STIM1: variants seen among roughly 807,000 people sequenced by gnomAD.
STIM1 encodes stromal interaction molecule 1.
STIM1 carries 25 observed loss-of-function variants against 74.7 expected under a neutral mutation model. That is an observed-to-expected ratio of 0.33 (90% confidence interval 0.24 to 0.47). STIM1 has a LOEUF of 0.47. STIM1 is among the 20% of genes least tolerant of loss of function. STIM1 has a pLI of 1.00. For synonymous variants in STIM1, 328 were observed against 348.8 expected (o/e 0.94, Z 0.66); for missense variants, 728 against 920.8 (o/e 0.79, Z 2.71).
intron 2 of STIM1, among the ~76,000 whole-genome samples, chr11:4,017,324 G>T (rs1005849825): frequency 1.3e-5 from 2 of 152,094 alleles, no homozygotes; most frequent in Non-Finnish European, 2.9e-5. Context: ...GCTTCTATTT[G>T]CCAGTTCCTC....
At chr11:4,086,807 A>T in intron 12 of STIM1, 2 of 1,536,366 alleles carry the variant, frequency 1.3e-6, no homozygotes, top group Non-Finnish European at 1.7e-6. Flanking sequence ...CCCTACCCTG[A>T]CACACCCCCT....
At chr11:4,006,054 C>G (rs1003387523) in intron 2 of STIM1, among the ~76,000 whole-genome samples, 6 of 152,306 alleles carry the variant, frequency 3.9e-5, no homozygotes, top group Non-Finnish European at 8.8e-5. Flanking sequence ...CCCACCAAAT[C>G]TCGTGTTGAA....
At chr11:4,042,933 C>T (rs938534716) in intron 3 of STIM1, among the ~76,000 whole-genome samples, 1 of 152,160 alleles carries the variant, frequency 6.6e-6, no homozygotes, top group Non-Finnish European at 1.5e-5. Flanking sequence ...TTGTAAGCTA[C>T]ATGGGAGTAG....
chr11:4,080,484 T>TTTTA (rs762725002), intron 7 of STIM1, among the ~76,000 whole-genome samples: 1 of 151,056 alleles, frequency 6.6e-6, no homozygotes. Context: ...TTTTTTTTTT[T>TTTTA]GAGACAGTGT....
intron 1 of STIM1, among the ~76,000 whole-genome samples, chr11:3,907,725 C>T (rs2092489245): frequency 6.6e-6 from 1 of 152,148 alleles, no homozygotes; most frequent in African/African-American, 2.4e-5. Flanking sequence ...TAGAGTGGCC[C>T]ACAAGATCAC....
chr11:3,902,935 A>G (rs1017686632), intron 1 of STIM1, among the ~76,000 whole-genome samples: 1 of 152,212 alleles, frequency 6.6e-6, no homozygotes, highest in Non-Finnish European at 1.5e-5. Context: ...GGACAGGGCA[A>G]CATTTCATAT....
chr11:3,923,483 C>T (rs1485035322), intron 1 of STIM1, among the ~76,000 whole-genome samples: 2 of 151,932 alleles, frequency 1.3e-5, no homozygotes, highest in Non-Finnish European at 2.9e-5. Context: ...GTGGTGTACG[C>T]CTGTAATCCC....
Position 3,967,676 on chromosome 11 carries a change from T to C in STIM1, c.264T>C (p.Ser88=). 1 of 1,614,164 alleles carries C rather than the reference T, an allele frequency of 6.2e-7. No homozygotes were observed. The highest frequency in any genetic ancestry group is 2.2e-5 in the East Asian group (1 of 44,890). Residue 88 remains serine (S), a synonymous_variant, in exon 2 of 13, where the codon AGT becomes AGC. Coordinates refer to ENST00000526596, the MANE Select transcript of STIM1 (RefSeq NM_001382567.1). ...DANGDVDVEE[S]DEFLREDLNY... is the part of the protein sequence containing the mutation. ...ATGGTGATGTGGATGTGGAAGAAAG[T>C]GATGAGGTGAGCTCTCCCATCCTGC...
intron 1 of STIM1, among the ~76,000 whole-genome samples, chr11:3,910,713 G>C (rs1464156894): frequency 1.3e-5 from 2 of 152,040 alleles, no homozygotes; most frequent in East Asian, 3.8e-4. Flanking sequence ...CGGGCGAGGT[G>C]GCTCATGCCT....
In STIM1 at chr11:4,091,332, A is replaced by G; in HGVS notation, c.1685A>G (p.Gln562Arg). The change falls in exon 13 of 13, where the codon CAG becomes CGG. Residue 562 changes from glutamine to arginine, a missense_variant. Transcript: ENST00000526596. ...SESSLHMSDR[Q>R]RVAPKPPQMS... ...TCCTCCCTCCACATGAGTGACCGCC[A>G]GCGTGTGGCCCCCAAACCTCCTCAG... 1 of 1,614,168 alleles carries G rather than the reference A, an allele frequency of 6.2e-7. No homozygotes were observed. The highest frequency in any genetic ancestry group is 8.5e-7 in the Non-Finnish European group (1 of 1,180,008).
intron 1 of STIM1, among the ~76,000 whole-genome samples, chr11:3,881,193 A>G (rs1458240437): frequency 6.6e-6 from 1 of 151,838 alleles, no homozygotes; most frequent in African/African-American, 2.4e-5. Flanking sequence ...GTTCAAAACT[A>G]TTTCATCAAC....
intron 12 of STIM1, 43 bp downstream of exon 12, chr11:4,086,586 A>G (rs1329862407): frequency 1.2e-6 from 2 of 1,612,980 alleles, no homozygotes; most frequent in Admixed American, 1.7e-5. Context: ...CAAGCCGGGT[A>G]TCTCTGCGGC....
intron 2 of STIM1, among the ~76,000 whole-genome samples, chr11:3,996,505 C>T (rs1363385762): frequency 6.6e-6 from 1 of 152,210 alleles, no homozygotes; most frequent in Non-Finnish European, 1.5e-5. Context: ...ATCAGAAATG[C>T]TAATATCCTG....
chr11:3,994,526 T>C (rs2093645172), intron 2 of STIM1, among the ~76,000 whole-genome samples: 1 of 148,300 alleles, frequency 6.7e-6, no homozygotes, highest in Non-Finnish European at 1.5e-5. Context: ...AGTGGCACAA[T>C]CTCAGCTCAC....
At chr11:4,004,504 A>C (rs2093756115) in intron 2 of STIM1, among the ~76,000 whole-genome samples, 1 of 151,106 alleles carries the variant, frequency 6.6e-6, no homozygotes, top group Admixed American at 6.6e-5. Context: ...CCTATTTAAT[A>C]AATGGTGCTG....
chr11:3,989,508 G>T, intron 2 of STIM1: 1 of 558,662 alleles, frequency 1.8e-6, no homozygotes. Flanking sequence ...GAGCCGCGGC[G>T]CACCGAGAGC....
chr11:3,931,357 T>C (rs2092857536), intron 1 of STIM1, among the ~76,000 whole-genome samples: 2 of 152,194 alleles, frequency 1.3e-5, no homozygotes, highest in African/African-American at 4.8e-5. Flanking sequence ...TGTGCTAGGT[T>C]CTGGGAACAT....
chr11:4,014,763 G>A (rs1250449962), intron 2 of STIM1, among the ~76,000 whole-genome samples: 4 of 152,186 alleles, frequency 2.6e-5, no homozygotes, highest in African/African-American at 9.7e-5. Context: ...ATTTAGGATA[G>A]TTAGCTCTTC....
intron 1 of STIM1, among the ~76,000 whole-genome samples, chr11:3,936,563 G>A (rs1248340926): frequency 6.6e-6 from 1 of 152,176 alleles, no homozygotes; most frequent in African/African-American, 2.4e-5. Flanking sequence ...TTACCAGTAT[G>A]ATATAGTATC....
Sources: allele counts gnomAD v4.1 joint callset (sites outside exome capture counted in the v4.1 genomes callset), GRCh38; gene constraint gnomAD v4.1.1; transcripts MANE v1.5; gene names NCBI Gene and HGNC (gene_info 2026-07-23, HGNC 2026-07-21).